Variants in PIBF1 observed in about 807,000 individuals in gnomAD.
PIBF1 encodes progesterone-induced-blocking factor 1.
In PIBF1, 90 loss-of-function variants were observed where a neutral mutation model predicts 112.5. The ratio of observed to expected loss-of-function variants is 0.80; its 90% confidence interval spans 0.67 to 0.95. The LOEUF (loss-of-function observed/expected upper bound fraction) is 0.95. PIBF1 is among the 40% of genes least tolerant of loss of function. The probability of loss-of-function intolerance (pLI) is 0.00; values close to 1 mark genes in which losing one functional copy is unlikely to be tolerated. For missense variants in PIBF1, 915 were observed against 852.3 expected (o/e 1.07, Z -0.92); for synonymous variants, 301 against 288.6 (o/e 1.04, Z -0.44).
At chr13:72,825,812 TC>T (rs2036782807) in intron 6 of PIBF1, among the ~76,000 whole-genome samples, 1 of 151,630 alleles carries the variant, frequency 6.6e-6, no homozygotes, top group Non-Finnish European at 1.5e-5. Context: ...ATGTCTGTAA[TC>T]CTAGTGCTTT....
At position 72,869,440 on chromosome 13, in the gene PIBF1, G is replaced by T. The variant is rs189422152; in HGVS notation, c.1322+15285G>T. Among the ~76,000 whole-genome samples, 1,099 of 138,330 alleles carry T rather than the reference G, an allele frequency of 7.9e-3. 52 individuals carry two copies. The highest frequency in any genetic ancestry group is 9.8e-3 in the East Asian group (42 of 4,292). The allele number at this position is 138,330 out of a possible 152,430, so 90.7% of individuals were successfully genotyped here. A position where few individuals can be genotyped will look rare whatever the true frequency, so the allele number is the denominator to read the frequency against. On this transcript the variant is annotated intron_variant, in intron 10 of 17. Coordinates refer to ENST00000326291, the MANE Select transcript of PIBF1 (RefSeq NM_006346.4). ...ATGAGAGCACATGGACACAGGAAGG[G>T]GAACATCACACTCTGGGGACTGTTG...
chr13:73,002,044 A>G (rs967328273), intron 17 of PIBF1, among the ~76,000 whole-genome samples: 1 of 152,172 alleles, frequency 6.6e-6, no homozygotes, highest in African/African-American at 2.4e-5. Context: ...TTGAAATGAC[A>G]TATGTGACAG....
intron 10 of PIBF1, among the ~76,000 whole-genome samples, chr13:72,862,115 C>T (rs1449238578): frequency 5.9e-5 from 9 of 151,962 alleles, no homozygotes; most frequent in Non-Finnish European, 1.2e-4. Flanking sequence ...GGAAAAAAAA[C>T]ATTTAGAGAT....
intron 14 of PIBF1, among the ~76,000 whole-genome samples, chr13:72,962,815 A>C (rs1426757479): frequency 6.6e-6 from 1 of 152,172 alleles, no homozygotes; most frequent in African/African-American, 2.4e-5. Context: ...AGGAACCCTA[A>C]ATGGCCAAAA....
chr13:72,870,370 A>AGAG (rs1442933933), intron 10 of PIBF1, among the ~76,000 whole-genome samples: 1 of 152,204 alleles, frequency 6.6e-6, no homozygotes, highest in African/African-American at 2.4e-5. Flanking sequence ...AAAAGGCAAA[A>AGAG]GAGAAACGTA....
chr13:72,909,915 C>T (rs796218540), intron 12 of PIBF1, among the ~76,000 whole-genome samples: 22 of 152,210 alleles, frequency 1.4e-4, no homozygotes, highest in African/African-American at 5.3e-4. Context: ...TGTCTTATCC[C>T]TAACGTTAAT....
chr13:72,985,910 G>A (rs1396664940), intron 16 of PIBF1, among the ~76,000 whole-genome samples: 1 of 152,182 alleles, frequency 6.6e-6, no homozygotes, highest in Non-Finnish European at 1.5e-5. Context: ...AGGACTTTGG[G>A]AGGCTGAGGC....
intron 11 of PIBF1, among the ~76,000 whole-genome samples, chr13:72,897,016 G>A (rs924327509): frequency 2.6e-5 from 4 of 152,120 alleles, no homozygotes; most frequent in African/African-American, 9.7e-5. Context: ...CCAAAGTTAA[G>A]ACGAAGGAAA....
At chr13:72,933,024 A>G (rs2041757563) in intron 14 of PIBF1, among the ~76,000 whole-genome samples, 1 of 152,214 alleles carries the variant, frequency 6.6e-6, no homozygotes, top group Admixed American at 6.5e-5. Flanking sequence ...CTTTGTATGA[A>G]ATAATAGAGA....
intron 16 of PIBF1, among the ~76,000 whole-genome samples, chr13:72,997,518 G>A (rs1219720200): frequency 1.3e-5 from 2 of 152,094 alleles, no homozygotes; most frequent in South Asian, 2.1e-4. Flanking sequence ...GACACGTCTC[G>A]CAACCCTAAA....
At position 72,991,163 on chromosome 13, in the gene PIBF1, G is replaced by T. The variant is rs183329349; in HGVS notation, c.2050-7659G>T. On this transcript the variant is annotated intron_variant, in intron 16 of 17. Transcript: ENST00000326291. ...AATACTGTTAAGCAGCTGCTGTACA[G>T]CTGAGCTGTTTTAATATGCCACCAC... Among the ~76,000 whole-genome samples, 21 of 152,290 alleles carry T rather than the reference G, an allele frequency of 1.4e-4. No homozygotes were observed. The East Asian group carries it at 3.3e-3, about 24-fold the overall frequency.
intron 5 of PIBF1, among the ~76,000 whole-genome samples, chr13:72,798,705 C>G (rs1174710494): frequency 6.6e-6 from 1 of 151,926 alleles, no homozygotes; most frequent in East Asian, 1.9e-4. Flanking sequence ...TTATAGTCTA[C>G]TAACAAAAAA....
chr13:72,978,134 G>A (rs929026201), intron 16 of PIBF1, among the ~76,000 whole-genome samples: 10 of 151,950 alleles, frequency 6.6e-5, no homozygotes, highest in African/African-American at 2.4e-4. Context: ...AAGCAGAGGG[G>A]GAAAGGGCAA....
intron 13 of PIBF1, among the ~76,000 whole-genome samples, chr13:72,924,984 T>G (rs1326623810): frequency 6.6e-6 from 1 of 152,158 alleles, no homozygotes; most frequent in Non-Finnish European, 1.5e-5. Flanking sequence ...ATCTTCAGAC[T>G]GGAGGACCAA....
chr13:72,837,952 A>C (rs2037435259), intron 9 of PIBF1, among the ~76,000 whole-genome samples: 1 of 152,216 alleles, frequency 6.6e-6, no homozygotes, highest in African/African-American at 2.4e-5. Flanking sequence ...TTCCAAAGAC[A>C]TTCTCTATCT....
At position 72,845,232 on chromosome 13, in the gene PIBF1, A is replaced by C. The variant is rs2037816890; in HGVS notation, c.1224-8825A>C. On this transcript the variant is annotated intron_variant, in intron 9 of 17. Coordinates refer to ENST00000326291, the MANE Select transcript of PIBF1 (RefSeq NM_006346.4). ...TCAGCTCCCACTTATGAGTGAGAAT[A>C]TGTGGTGTTTGGTTTTCTGTTCCTG... 2.0e-5 allele frequency among the ~76,000 whole-genome samples: 3 copies of C among 151,172 alleles called. No individual in the cohort carries two copies. The South Asian group carries it at 6.2e-4, about 31-fold the overall frequency.
intron 5 of PIBF1, among the ~76,000 whole-genome samples, chr13:72,821,083 T>G (rs186221375): frequency 6.6e-6 from 1 of 152,286 alleles, no homozygotes; most frequent in African/African-American, 2.4e-5. Context: ...TTAGATTATA[T>G]GCAGGTATTC....
intron 16 of PIBF1, 47 bp downstream of exon 16, chr13:72,973,722 A>C: frequency 9.9e-7 from 1 of 1,014,208 alleles, no homozygotes; most frequent in Non-Finnish European, 1.5e-6. Context: ...AGGCTTTTTT[A>C]AAAACTGCTA....
intron 10 of PIBF1, among the ~76,000 whole-genome samples, chr13:72,889,858 T>C (rs2138547929): frequency 6.6e-6 from 1 of 152,316 alleles, no homozygotes; most frequent in East Asian, 1.9e-4. Context: ...AGAAAACCTG[T>C]TTACCGAATG....
Sources: gnomAD v4.1 joint callset for allele counts (sites outside exome capture counted in the v4.1 genomes callset) on GRCh38, gnomAD v4.1.1 for gene constraint, MANE v1.5 for transcripts, NCBI Gene and HGNC (gene_info 2026-07-23, HGNC 2026-07-21) for gene names.